CRIM1: variants seen among roughly 807,000 people sequenced by gnomAD.
The protein encoded by CRIM1 is cysteine-rich motor neuron 1 protein.
CRIM1 carries 32 observed loss-of-function variants against 116.4 expected under a neutral mutation model. The observed-to-expected ratio is 0.27, with a 90% CI of 0.21 to 0.37. The LOEUF is 0.37. CRIM1 is among the 10% of genes least tolerant of loss of function. CRIM1 has a pLI of 1.00. For synonymous variants in CRIM1, 590 were observed against 509.2 expected (o/e 1.16, Z -2.13); for missense variants, 1,331 against 1,354.8 (o/e 0.98, Z 0.28).
intron 9 of CRIM1, 134 bp from the exon 10 acceptor site, chr2:36,512,139 A>T (rs1292635010): frequency 9.4e-7 from 1 of 1,064,824 alleles, no homozygotes; most frequent in African/African-American, 1.6e-5. Flanking sequence ...CCATCACTCC[A>T]GGAATCTTTG....
At chr2:36,458,286 C>G (rs1001770202) in intron 4 of CRIM1, among the ~76,000 whole-genome samples, 1 of 152,146 alleles carries the variant, frequency 6.6e-6, no homozygotes, top group African/African-American at 2.4e-5. Flanking sequence ...GAGGATACCT[C>G]TGGGGTGACG....
chr2:36,477,143 A>C, intron 6 of CRIM1, 72 bp downstream of exon 6: 1 of 1,223,830 alleles, frequency 8.2e-7, no homozygotes, highest in South Asian at 1.6e-5. Context: ...AAATCGTCCT[A>C]ATTCAGTCTC....
intron 1 of CRIM1, among the ~76,000 whole-genome samples, chr2:36,372,230 CAT>C (rs994494708): frequency 6.6e-6 from 1 of 152,050 alleles, no homozygotes; most frequent in African/African-American, 2.4e-5. Context: ...GCAGGAATTC[CAT>C]AGGAATGCAC....
chr2:36,367,689 T>C (rs1205117781), intron 1 of CRIM1, among the ~76,000 whole-genome samples: 1 of 152,186 alleles, frequency 6.6e-6, no homozygotes, highest in Non-Finnish European at 1.5e-5. Flanking sequence ...TGCCAGGTGC[T>C]GTAGACAGAA....
At chr2:36,383,368 A>G (rs889114569) in intron 1 of CRIM1, among the ~76,000 whole-genome samples, 1 of 152,268 alleles carries the variant, frequency 6.6e-6, no homozygotes. Flanking sequence ...CTGAATTATT[A>G]TAAAGTTTAT....
chr2:36,434,442 C>T lies in CRIM1; in HGVS notation c.506-6816C>T, dbSNP rs935957202. Among the ~76,000 whole-genome samples, 6 of 152,324 alleles carry T rather than the reference C, an allele frequency of 3.9e-5. No homozygotes were observed. In the East Asian group the frequency reaches 5.8e-4, roughly 15 times the overall value. Reference sequence around the variant, plus strand: ...CTCTTCTTGCTTTTGGCATTATGGACGACTAGTGGGAAAATCATGGGCTTT... The same window carrying T: ...CTCTTCTTGCTTTTGGCATTATGGATGACTAGTGGGAAAATCATGGGCTTT... On this transcript the variant is annotated intron_variant, in intron 2 of 16. Transcript: ENST00000280527.
intron 4 of CRIM1, among the ~76,000 whole-genome samples, chr2:36,445,219 T>C (rs1332547416): frequency 6.6e-6 from 1 of 152,190 alleles, no homozygotes; most frequent in Admixed American, 6.5e-5. Context: ...CATTGGGTTG[T>C]AATACTACTC....
intron 1 of CRIM1, among the ~76,000 whole-genome samples, chr2:36,383,639 T>G (rs888076): frequency 1.3e-5 from 2 of 151,968 alleles, no homozygotes; most frequent in African/African-American, 2.4e-5. Flanking sequence ...GTTTCTGCTC[T>G]CAAGAAGCTC....
intron 1 of CRIM1, among the ~76,000 whole-genome samples, chr2:36,385,338 A>G (rs1384466293): frequency 2.0e-5 from 3 of 152,188 alleles, no homozygotes; most frequent in Non-Finnish European, 4.4e-5. Flanking sequence ...TGATTTCACA[A>G]AGTTGTTATC....
At chr2:36,398,694 T>A (rs1247297132) in intron 2 of CRIM1, among the ~76,000 whole-genome samples, 1 of 152,214 alleles carries the variant, frequency 6.6e-6, no homozygotes, top group African/African-American at 2.4e-5. Flanking sequence ...AAGGTTAATG[T>A]ATCTTCTACA....
intron 13 of CRIM1, chr2:36,531,919 C>T (rs984291527): frequency 2.1e-6 from 1 of 470,852 alleles, no homozygotes; most frequent in African/African-American, 2.0e-5. Flanking sequence ...GGTAAGCAGC[C>T]CCATGGAAGG....
At chr2:36,442,590 G>A (rs2124940368) in intron 3 of CRIM1, 25 bp from the exon 4 acceptor site, 1 of 1,613,954 alleles carries the variant, frequency 6.2e-7, no homozygotes, top group East Asian at 2.2e-5. Context: ...ACAATAAACG[G>A]TGCCTCTCTG....
chr2:36,514,315 T>C (rs548128936), intron 11 of CRIM1, among the ~76,000 whole-genome samples: 4 of 152,224 alleles, frequency 2.6e-5, no homozygotes, highest in Non-Finnish European at 5.9e-5. Context: ...GTAATCAGGA[T>C]AAGTTACTAG....
At chr2:36,448,542 G>A (rs563229622) in intron 4 of CRIM1, among the ~76,000 whole-genome samples, 114 of 152,282 alleles carry the variant, frequency 7.5e-4, no homozygotes, top group African/African-American at 2.5e-3. Context: ...ACATTAACTA[G>A]TTAAAAATCT....
At chr2:36,425,041 T>A (rs186394486) in intron 2 of CRIM1, among the ~76,000 whole-genome samples, 1 of 152,312 alleles carries the variant, frequency 6.6e-6, no homozygotes, top group Non-Finnish European at 1.5e-5. Flanking sequence ...CCAAATCACG[T>A]AAGCAGTTAA....
intron 1 of CRIM1, among the ~76,000 whole-genome samples, chr2:36,360,134 G>A (rs1360056336): frequency 6.6e-6 from 1 of 152,206 alleles, no homozygotes; most frequent in African/African-American, 2.4e-5. Flanking sequence ...AAGGGGTTGA[G>A]AGCCATTTCT....
At chr2:36,545,057 G>C (rs942580334) in intron 15 of CRIM1, among the ~76,000 whole-genome samples, 2 of 152,096 alleles carry the variant, frequency 1.3e-5, no homozygotes, top group African/African-American at 4.8e-5. Context: ...TCTCCCAATA[G>C]CTGTCACTAT....
intron 1 of CRIM1, among the ~76,000 whole-genome samples, chr2:36,393,300 T>C (rs1396057564): frequency 6.6e-6 from 1 of 152,198 alleles, no homozygotes; most frequent in African/African-American, 2.4e-5. Flanking sequence ...GATAAGCTTT[T>C]AAAATAGGAT....
chr2:36,477,877 C>A (rs2125042761), intron 6 of CRIM1, among the ~76,000 whole-genome samples: 1 of 152,322 alleles, frequency 6.6e-6, no homozygotes, highest in Middle Eastern at 3.4e-3. Context: ...CTTTACACTG[C>A]AGCCAGTAAC....
Sources: gnomAD v4.1 joint callset for allele counts (sites outside exome capture counted in the v4.1 genomes callset) on GRCh38, gnomAD v4.1.1 for gene constraint, MANE v1.5 for transcripts, NCBI Gene and HGNC (gene_info 2026-07-23, HGNC 2026-07-21) for gene names.